AIM2: variants seen among roughly 807,000 people sequenced by gnomAD.
The protein encoded by AIM2 is interferon-inducible protein AIM2.
In AIM2, 30 loss-of-function variants were observed where a neutral mutation model predicts 27.7. The ratio of observed to expected loss-of-function variants is 1.08; its 90% confidence interval spans 0.81 to 1.47. The LOEUF is 1.47. Among genes scored for constraint, AIM2 ranks in the 40% most tolerant of loss-of-function variants. AIM2 has a pLI of 0.00. For synonymous variants in AIM2, 141 were observed against 145.3 expected (o/e 0.97, Z 0.21); for missense variants, 358 against 411.3 (o/e 0.87, Z 1.12).
the AIM2 span, chr1:159,055,144 T>A: frequency 1.0e-5 from 3 of 296,326 alleles, no homozygotes; most frequent in African/African-American, 6.5e-5. Flanking sequence ...ATTATCTTTT[T>A]TGTGAAAGGA....
chr1:159,137,837 T>G (rs1420570366), intron 1 of AIM2, among the ~76,000 whole-genome samples: 1 of 152,142 alleles, frequency 6.6e-6, no homozygotes, highest in Non-Finnish European at 1.5e-5. Context: ...TCCAAAAGTG[T>G]TCACCAGTCT....
chr1:159,078,602 A>C (rs1656694760), upstream of AIM2, among the ~76,000 whole-genome samples: 1 of 152,180 alleles, frequency 6.6e-6, no homozygotes, highest in African/African-American at 2.4e-5. Context: ...CTCAATGAGG[A>C]GCAGGTACAC....
chr1:159,088,114 G>C (rs1353594978), intron 1 of AIM2, among the ~76,000 whole-genome samples: 1 of 152,136 alleles, frequency 6.6e-6, no homozygotes, highest in Non-Finnish European at 1.5e-5. Flanking sequence ...GACAGAAAAA[G>C]AGGAAGAGGC....
At chr1:159,086,553 A>G (rs376298954) in intron 1 of AIM2, among the ~76,000 whole-genome samples, 1 of 152,032 alleles carries the variant, frequency 6.6e-6, no homozygotes, top group East Asian at 1.9e-4. Flanking sequence ...GTCCTTCTTT[A>G]TATCTCACTT....
chr1:159,058,439 G>T (rs957850495), downstream of AIM2, among the ~76,000 whole-genome samples: 1 of 151,726 alleles, frequency 6.6e-6, no homozygotes, highest in Non-Finnish European at 1.5e-5. Flanking sequence ...AGTAAACACA[G>T]CCATGTACCT....
rs549762854 is a variant in AIM2 at position 159,118,877 on chromosome 1, G to A, written c.-16+21554C>T. On this transcript the variant is annotated intron_variant, in intron 1 of 2. Coordinates refer to the AIM2 transcript ENST00000368129. ...TTTTTTTTCCTTCTGCATACATAACGGGTGTATTAATCAGTTTTTGCATCG... is the reference window on the plus strand; with the variant it reads ...TTTTTTTTCCTTCTGCATACATAACAGGTGTATTAATCAGTTTTTGCATCG... Among the ~76,000 whole-genome samples, 5 of 151,940 alleles carry A rather than the reference G, an allele frequency of 3.3e-5. No homozygotes were observed. In the East Asian group the frequency reaches 5.8e-4, roughly 18 times the overall value.
In AIM2 at chr1:159,073,435, A is replaced by C; in HGVS notation, c.65T>G (p.Leu22Arg). 3 of 1,614,156 alleles carry C rather than the reference A, an allele frequency of 1.9e-6. No homozygotes were observed. Among genetic ancestry groups the C allele is most frequent in the Admixed American group, 1.7e-5 (1 of 60,016 alleles). The change falls in exon 2 of 6, where the codon CTG becomes CGG. Residue 22 changes from leucine to arginine, a missense_variant. Leu to Arg is a moderately radical substitution (Grantham distance 102, BLOSUM62 -2). Transcript: ENST00000368130. ...TGAAAGAAAGAACTTAAACCTATCCAGTTCCTCATCAGTGATGTTATCCAG... is the reference window on the plus strand; with the variant it reads ...TGAAAGAAAGAACTTAAACCTATCCCGTTCCTCATCAGTGATGTTATCCAG... ...TGLDNITDEE[L>R]DRFKFFLSDE...
At chr1:159,073,566 C>T (rs1235133490) in intron 1 of AIM2, 47 bp from the exon 2 acceptor site, 3 of 1,510,112 alleles carry the variant, frequency 2.0e-6, no homozygotes, top group Admixed American at 2.1e-5. Flanking sequence ...AAAAGTGATT[C>T]TACATTCAAA....
chr1:159,060,229 A>G (rs1207050742), downstream of AIM2, among the ~76,000 whole-genome samples: 2 of 152,212 alleles, frequency 1.3e-5, no homozygotes, highest in Admixed American at 1.3e-4. Context: ...AATCCTGGAC[A>G]TTATTAACCT....
At position 159,064,626 on chromosome 1, in the gene AIM2, C is replaced by T. The variant is rs1005256657; in HGVS notation, c.817-952G>A. ...GATTATAGGTGTCCGCCAATACACCCGGCTAATTTTTGTATTTTTACTAGA... is the reference window on the plus strand; with the variant it reads ...GATTATAGGTGTCCGCCAATACACCTGGCTAATTTTTGTATTTTTACTAGA... On this transcript the variant is annotated intron_variant, in intron 4 of 5. Coordinates refer to ENST00000368130, the MANE Select transcript of AIM2 (RefSeq NM_004833.3). Among the ~76,000 whole-genome samples the T allele has an allele frequency of 6.6e-5, 10 of 152,140 alleles. No individual in the cohort carries two copies. The South Asian group carries it at 1.9e-3, about 28-fold the overall frequency.
At chr1:159,146,031 G>A (rs1259792419) in intron 1 of AIM2, among the ~76,000 whole-genome samples, 5 of 152,044 alleles carry the variant, frequency 3.3e-5, no homozygotes, top group East Asian at 3.9e-4. Flanking sequence ...ACTTGAACCT[G>A]GGAAGTAGAG....
At chr1:159,108,130 A>G (rs779706716) in intron 1 of AIM2, among the ~76,000 whole-genome samples, 11 of 152,268 alleles carry the variant, frequency 7.2e-5, no homozygotes, top group Non-Finnish European at 1.0e-4. Flanking sequence ...AATATCCCCA[A>G]TGAAATAGAT....
Position 159,073,434 on chromosome 1 carries a change from C to T in AIM2, c.66G>A (p.Leu22=). 3.7e-6 allele frequency: 6 copies of T among 1,614,114 alleles called. No homozygotes were observed. Among genetic ancestry groups the T allele is most frequent in the Non-Finnish European group, 5.1e-6 (6 of 1,180,020 alleles). The change falls in exon 2 of 6, where the codon CTG becomes CTA. Residue 22 remains leucine, a synonymous_variant. Transcript: ENST00000368130. ...CTGAAAGAAAGAACTTAAACCTATC[C>T]AGTTCCTCATCAGTGATGTTATCCA... is the stretch of plus-strand genomic sequence containing the variant. ...TGLDNITDEE[L]DRFKFFLSDE...
intron 3 of AIM2, among the ~76,000 whole-genome samples, chr1:159,067,671 ACTTGAAC>A (rs1278155653): frequency 3.3e-5 from 5 of 152,204 alleles, no homozygotes; most frequent in Admixed American, 3.3e-4. Flanking sequence ...CACCATTTAT[ACTTGAAC>A]CTTGTTTTCC....
intron 1 of AIM2, among the ~76,000 whole-genome samples, chr1:159,125,291 G>A (rs1364997900): frequency 2.0e-5 from 3 of 152,160 alleles, no homozygotes; most frequent in African/African-American, 7.2e-5. Flanking sequence ...CTACCTAACC[G>A]TAGGCACATA....
At chr1:159,086,822 T>C (rs983146939) in intron 1 of AIM2, among the ~76,000 whole-genome samples, 1 of 152,340 alleles carries the variant, frequency 6.6e-6, no homozygotes, top group South Asian at 2.1e-4. Context: ...GTTTACATGT[T>C]TAAAACACTA....
Position 159,073,100 on chromosome 1 carries a change from G to A in AIM2, c.262+138C>T, listed in dbSNP as rs556904150. On this transcript the variant is annotated intron_variant, in intron 2 of 5. Coordinates refer to ENST00000368130, the MANE Select transcript of AIM2 (RefSeq NM_004833.3). ...TAGAAGCGATTCTCAGTAAAAGGGG[G>A]CAAAGAGACAGGTGCACTAAGTTAG... 19 of 1,036,692 alleles carry A rather than the reference G, an allele frequency of 1.8e-5. 1 individual carries two copies. In the South Asian group the frequency reaches 2.3e-4, roughly 12 times the overall value. 64.2% of individuals were successfully genotyped at this position (1,036,692 alleles called of 1,614,324 possible). A position where few individuals can be genotyped will look rare whatever the true frequency, so the allele number is the denominator to read the frequency against.
In AIM2 at chr1:159,065,976, C is replaced by A. The variant is rs34654901; in HGVS notation, c.750G>T (p.Pro250=). ...LNIIRKAGET[P]KINTLQTQPL... ...GCTGAGTTTGAAGCGTGTTGATCTT[C>A]GGGGTTTCACCAGCTTTTCTGATAA... is the stretch of plus-strand genomic sequence containing the variant. Residue 250 remains proline, a synonymous_variant, in exon 4 of 6, where the codon CCG becomes CCT. Transcript: ENST00000368130. The A allele has an allele frequency of 1.5e-3, 2,433 of 1,610,104 alleles. 38 individuals are homozygous for A. The African/African-American group carries it at 0.029, about 19-fold the overall frequency.
At chr1:159,134,762 G>T (rs910863588) in intron 1 of AIM2, among the ~76,000 whole-genome samples, 1 of 152,188 alleles carries the variant, frequency 6.6e-6, no homozygotes, top group Non-Finnish European at 1.5e-5. Flanking sequence ...AGCCCGAGAG[G>T]CGGAGGTTGC....
Sources: gnomAD v4.1 joint callset for allele counts (sites outside exome capture counted in the v4.1 genomes callset) on GRCh38, gnomAD v4.1.1 for gene constraint, MANE v1.5 for transcripts, NCBI Gene and HGNC (gene_info 2026-07-23, HGNC 2026-07-21) for gene names.